The following PDE1C variants were observed in gnomAD, a reference collection of about 807,000 sequenced individuals.
PDE1C encodes the protein phosphodiesterase 1C.
PDE1C carries 62 observed loss-of-function variants against 93.1 expected under a neutral mutation model. That is an observed-to-expected ratio of 0.67 (90% CI 0.54 to 0.82). PDE1C has a LOEUF of 0.82. Ranked by LOEUF, PDE1C falls within the 40% of genes least tolerant of loss-of-function variation. The probability of loss-of-function intolerance (pLI) is 0.00; values close to 1 mark genes in which losing one functional copy is unlikely to be tolerated. For missense variants in PDE1C, 742 were observed against 884.6 expected (o/e 0.84, Z 2.04); for synonymous variants, 325 against 310.1 (o/e 1.05, Z -0.50).
exon 1 of PDE1C, chr7:32,298,816 G>A: frequency 2.0e-6 from 3 of 1,488,980 alleles, no homozygotes; most frequent in Non-Finnish European, 2.7e-6. Flanking sequence ...AGCAGCCCGG[G>A]GCTCGGCGGC....
chr7:32,175,072 A>G (rs1802893942), intron 2 of PDE1C, among the ~76,000 whole-genome samples: 1 of 152,214 alleles, frequency 6.6e-6, no homozygotes, highest in African/African-American at 2.4e-5. Flanking sequence ...TGATACCTCC[A>G]AAGTACCAGC....
intron 2 of PDE1C, among the ~76,000 whole-genome samples, chr7:32,043,610 G>T (rs1792133656): frequency 1.3e-5 from 2 of 152,158 alleles, no homozygotes; most frequent in Non-Finnish European, 2.9e-5. Flanking sequence ...AAATACATCT[G>T]ATACTGTACT....
At chr7:31,831,512 A>G (rs1790403970) in intron 11 of PDE1C, among the ~76,000 whole-genome samples, 1 of 151,894 alleles carries the variant, frequency 6.6e-6, no homozygotes, top group Non-Finnish European at 1.5e-5. Context: ...ACACACACAC[A>G]CACACACGCA....
At chr7:32,302,972 C>T (rs567222022), upstream of PDE1C, among the ~76,000 whole-genome samples, 13 of 152,322 alleles carry the variant, frequency 8.5e-5, no homozygotes, top group South Asian at 2.7e-3. Context: ...TAGAAAGGGC[C>T]TCTTCCCATT....
chr7:32,405,805 G>A (rs1351073887), intron 1 of PDE1C, among the ~76,000 whole-genome samples: 1 of 152,156 alleles, frequency 6.6e-6, no homozygotes, highest in African/African-American at 2.4e-5. Context: ...TTAGAAAGAT[G>A]TTTGCTGTGC....
the PDE1C span, among the ~76,000 whole-genome samples, chr7:31,637,450 C>T: frequency 1.3e-5 from 2 of 152,158 alleles, no homozygotes; most frequent in Admixed American, 6.5e-5. Context: ...GAGATGGTAT[C>T]TCATTGTGGT....
chr7:31,874,149 A>G (rs1796265277), intron 5 of PDE1C, among the ~76,000 whole-genome samples: 1 of 152,192 alleles, frequency 6.6e-6, no homozygotes, highest in South Asian at 2.1e-4. Context: ...TAGTCACTTT[A>G]CTGAAAAAAA....
At chr7:32,102,926 T>G (rs1394247566) in intron 3 of PDE1C, among the ~76,000 whole-genome samples, 1 of 152,086 alleles carries the variant, frequency 6.6e-6, no homozygotes, top group African/African-American at 2.4e-5. Flanking sequence ...TTGTGAGGCT[T>G]CCCCAGATGA....
At chr7:31,883,706 G>A (rs1003170853) in intron 2 of PDE1C, among the ~76,000 whole-genome samples, 4 of 152,210 alleles carry the variant, frequency 2.6e-5, no homozygotes, top group Non-Finnish European at 4.4e-5. Flanking sequence ...TGATCAGGGG[G>A]CTGGGACCCC....
At chr7:32,279,380 A>T (rs1457736710) in intron 1 of PDE1C, among the ~76,000 whole-genome samples, 2 of 152,228 alleles carry the variant, frequency 1.3e-5, no homozygotes, top group Admixed American at 1.3e-4. Flanking sequence ...GATAGGAGGA[A>T]TAAGTCCTGG....
chr7:32,082,603 C>G (rs1027165822), intron 3 of PDE1C, among the ~76,000 whole-genome samples: 6 of 152,338 alleles, frequency 3.9e-5, no homozygotes, highest in African/African-American at 9.6e-5. Context: ...AGGCACCCCC[C>G]AGTAGGGGCA....
chr7:31,681,373 AT>A, the PDE1C span, among the ~76,000 whole-genome samples: 1 of 1,860 alleles, frequency 5.4e-4, no homozygotes, highest in South Asian at 0.042. Flanking sequence ...GGATGGACGG[AT>A]GGATGGATGG....
At chr7:32,282,511 T>TAGATAGATAGATAGATAGATA (rs1304841647) in intron 1 of PDE1C, among the ~76,000 whole-genome samples, 2 of 151,432 alleles carry the variant, frequency 1.3e-5, no homozygotes, top group East Asian at 1.9e-4. Context: ...GATAGATAGA[T>TAGATAGATAGATAGATAGATA]GGTCAATTAA....
the PDE1C span, among the ~76,000 whole-genome samples, chr7:31,616,944 T>C: frequency 0.06 from 9,150 of 152,234 alleles, 327 homozygotes; most frequent in South Asian, 0.086. Context: ...CCTGGTCATA[T>C]TCCAATCTAG....
intron 1 of PDE1C, among the ~76,000 whole-genome samples, chr7:32,341,857 C>T (rs1187920875): frequency 6.6e-6 from 1 of 152,146 alleles, no homozygotes; most frequent in Non-Finnish European, 1.5e-5. Context: ...TAGTTTGAAT[C>T]TTAGCACTGC....
chr7:31,816,174 G>T lies in PDE1C; in HGVS notation c.1583-20C>A. The T allele has an allele frequency of 6.2e-7, 1 of 1,607,206 alleles. No homozygotes were observed. The highest frequency in any genetic ancestry group is 8.5e-7 in the Non-Finnish European group (1 of 1,176,420). On this transcript the variant is annotated intron_variant, in intron 14 of 17. Coordinates refer to ENST00000396191, the MANE Select transcript of PDE1C (RefSeq NM_001191057.4). The stretch of plus-strand genomic sequence containing the variant: ...TCTCCTCTGCATCCATGGCAAGTTG[G>T]GAAAGCCACAGAAAAGAGAAAAAGA...
chr7:32,292,684 G>T (rs1221503725), intron 1 of PDE1C, among the ~76,000 whole-genome samples: 1 of 152,172 alleles, frequency 6.6e-6, no homozygotes, highest in Non-Finnish European at 1.5e-5. Flanking sequence ...TCTGACTCCA[G>T]AGACTGTTAT....
At chr7:31,627,984 G>A in the PDE1C span, among the ~76,000 whole-genome samples, 1 of 152,132 alleles carries the variant, frequency 6.6e-6, no homozygotes, top group Admixed American at 6.5e-5. Context: ...TGGGATTCAA[G>A]GAACCAACAA....
At chr7:32,069,740 C>A (rs192476898) in intron 1 of PDE1C, among the ~76,000 whole-genome samples, 6 of 152,122 alleles carry the variant, frequency 3.9e-5, no homozygotes, top group Non-Finnish European at 5.9e-5. Context: ...TTCTGCCCCC[C>A]CTTTCTCCAC....
Sources: allele counts gnomAD v4.1 joint callset (sites outside exome capture counted in the v4.1 genomes callset), GRCh38; gene constraint gnomAD v4.1.1; transcripts MANE v1.5; gene names NCBI Gene and HGNC (gene_info 2026-07-23, HGNC 2026-07-21).